Variants in FAM184B observed in about 807,000 individuals in gnomAD.
FAM184B encodes family with sequence similarity 184 member B.
FAM184B carries 111 observed loss-of-function variants against 135.9 expected under a neutral mutation model. That is an observed-to-expected ratio of 0.82 (90% CI 0.70 to 0.96). The LOEUF is 0.96. FAM184B is among the 40% of genes least tolerant of loss of function. The pLI is 0.00. For synonymous variants in FAM184B, 552 were observed against 524.8 expected, an observed-to-expected ratio of 1.05 and a Z score of -0.71; for missense variants, 1,375 against 1,323.9, an observed-to-expected ratio of 1.04 and a Z score of -0.60.
intron 9 of FAM184B, among the ~76,000 whole-genome samples, chr4:17,659,033 ACTT>A (rs1216380632): frequency 6.6e-6 from 1 of 151,968 alleles, no homozygotes. Context: ...TGATTTACTG[ACTT>A]CTTATGTCAA....
intron 7 of FAM184B, among the ~76,000 whole-genome samples, chr4:17,683,780 A>C (rs1716502934): frequency 6.6e-6 from 1 of 152,112 alleles, no homozygotes; most frequent in African/African-American, 2.4e-5. Context: ...ATTTAAGTTA[A>C]GAAAAGCAGA....
At chr4:17,701,957 T>C (rs1403521869) in intron 5 of FAM184B, among the ~76,000 whole-genome samples, 1 of 152,194 alleles carries the variant, frequency 6.6e-6, no homozygotes, top group African/African-American at 2.4e-5. Context: ...TGATTGTAAT[T>C]AATTCAAATT....
At chr4:17,764,536 CCACT>C (rs1718615510) in intron 1 of FAM184B, among the ~76,000 whole-genome samples, 1 of 152,174 alleles carries the variant, frequency 6.6e-6, no homozygotes, top group Non-Finnish European at 1.5e-5. Flanking sequence ...TTACTAGCAC[CCACT>C]GTTTCCTGGC....
In FAM184B at chr4:17,631,118, G is replaced by T. The variant is rs73800317; in HGVS notation, c.*1414C>A. Reference sequence around the variant, plus strand: ...GGTCAGCACCGTGAACAGCCATTGCGGTTCCTTTAACCCACTGGGAATTCA... The same window carrying T: ...GGTCAGCACCGTGAACAGCCATTGCTGTTCCTTTAACCCACTGGGAATTCA... On this transcript the variant is annotated 3_prime_UTR_variant, in exon 18 of 18. Coordinates refer to ENST00000265018, the MANE Select transcript of FAM184B (RefSeq NM_015688.2). 4,908 of 152,262 alleles carry T rather than the reference G, an allele frequency of 0.032. 248 individuals are homozygous for T. The highest frequency in any genetic ancestry group is 0.11 in the African/African-American group (4,644 of 41,510). 9.4% of individuals were successfully genotyped at this position (152,262 alleles called of 1,614,324 possible). A position where few individuals can be genotyped will look rare whatever the true frequency, so the allele number is the denominator to read the frequency against.
At chr4:17,647,589 A>T in intron 12 of FAM184B, 48 bp downstream of exon 12, 2 of 1,524,112 alleles carry the variant, frequency 1.3e-6, no homozygotes, top group East Asian at 2.5e-5. Context: ...TGCGGCCCTG[A>T]TGCTGCTCTG....
In FAM184B at chr4:17,642,169, G is replaced by A; in HGVS notation, c.2406C>T (p.Gly802=). Residue 802 remains glycine, a synonymous_variant, in exon 13 of 18, where the codon GGC becomes GGT. Transcript: ENST00000265018. ...SPPGAAGQGS[G]EGCGLWEENA... is the part of the protein sequence containing the mutation. Reference sequence around the variant, plus strand: ...TCTCCTCCCAGAGCCCGCATCCCTCGCCGGAACCCTGCCCAGCAGCGCCCG... The same window carrying A: ...TCTCCTCCCAGAGCCCGCATCCCTCACCGGAACCCTGCCCAGCAGCGCCCG... 1 of 1,532,484 alleles carries A rather than the reference G, an allele frequency of 6.5e-7. No individual in the cohort carries two copies. Among genetic ancestry groups the A allele is most frequent in the Non-Finnish European group, 8.7e-7 (1 of 1,145,234 alleles). The allele number at this position is 1,532,484 out of a possible 1,614,324, so 94.9% of individuals were successfully genotyped here.
intron 4 of FAM184B, 75 bp downstream of exon 4, chr4:17,705,677 C>T: frequency 6.6e-7 from 1 of 1,510,524 alleles, no homozygotes; most frequent in Non-Finnish European, 8.9e-7. Context: ...TGGGGACTGG[C>T]CTCTACCTGA....
At chr4:17,663,127 G>T (rs1360461394) in intron 8 of FAM184B, among the ~76,000 whole-genome samples, 1 of 152,012 alleles carries the variant, frequency 6.6e-6, no homozygotes. Context: ...TGTAGAGACA[G>T]GGTTTTGCCA....
rs1715509516 is a variant in FAM184B at position 17,647,768 on chromosome 4, C to T, written c.2215G>A (p.Glu739Lys). 1.3e-6 allele frequency: 2 copies of T among 1,550,480 alleles called. No homozygotes were observed. The highest frequency in any genetic ancestry group is 1.4e-5 in the African/African-American group (1 of 73,010). The change falls in exon 12 of 18, where the codon GAG becomes AAG. Residue 739 changes from glutamate (E) to lysine (K), a missense_variant. Transcript: ENST00000265018. ...TGCCCAGAACAGGCAGCTTGCTGCTCCGACAGCTCCTGTCTGAGCGACTCT... is the reference window on the plus strand; with the variant it reads ...TGCCCAGAACAGGCAGCTTGCTGCTTCGACAGCTCCTGTCTGAGCGACTCT... ...LLESLRQELS[E>K]QQAACSGHQK...
At chr4:17,688,663 C>A in intron 6 of FAM184B, 132 bp from the exon 7 acceptor site, 3 of 404,920 alleles carry the variant, frequency 7.4e-6, no homozygotes, top group Non-Finnish European at 8.9e-6. Context: ...AAATTCTACA[C>A]ACACTTCTAG....
At chr4:17,646,156 T>C (rs1191919618) in intron 12 of FAM184B, among the ~76,000 whole-genome samples, 1 of 152,208 alleles carries the variant, frequency 6.6e-6, no homozygotes, top group Non-Finnish European at 1.5e-5. Context: ...TCAACCATTG[T>C]GGAAGACAGT....
intron 13 of FAM184B, 28 bp downstream of exon 13, chr4:17,642,028 C>T (rs1232951333): frequency 6.6e-7 from 1 of 1,508,298 alleles, no homozygotes. Flanking sequence ...GAGGGTGGCG[C>T]GGTGGCGGGG....
chr4:17,721,782 T>A (rs1002783505), intron 1 of FAM184B, among the ~76,000 whole-genome samples: 2 of 151,884 alleles, frequency 1.3e-5, no homozygotes, highest in Non-Finnish European at 2.9e-5. Context: ...ATGTGGAGAG[T>A]CTGGGGGAGG....
intron 1 of FAM184B, among the ~76,000 whole-genome samples, chr4:17,766,857 G>C (rs1161421761): frequency 2.0e-5 from 3 of 152,198 alleles, no homozygotes; most frequent in African/African-American, 4.8e-5. Flanking sequence ...CACAGAGCAG[G>C]GGGCAGCGCT....
At chr4:17,704,059 T>G (rs757791453) in intron 5 of FAM184B, among the ~76,000 whole-genome samples, 1 of 152,176 alleles carries the variant, frequency 6.6e-6, no homozygotes, top group Non-Finnish European at 1.5e-5. Flanking sequence ...TTTCACCAGT[T>G]CATTTAACAC....
chr4:17,632,518 T>A lies in FAM184B; in HGVS notation c.*14A>T. On this transcript the variant is annotated 3_prime_UTR_variant, in exon 18 of 18. Transcript: ENST00000265018. ...TTTTTCAAGTATCCTCTGTGATGTA[T>A]CCCAAAGGTTAGCTTAGAAAGAAAA... 6.5e-7 allele frequency: 1 copy of A among 1,538,684 alleles called. No homozygotes were observed. Among genetic ancestry groups the A allele is most frequent in the Non-Finnish European group, 8.8e-7 (1 of 1,135,994 alleles).
intron 1 of FAM184B, among the ~76,000 whole-genome samples, chr4:17,778,233 T>C (rs1718970178): frequency 6.6e-6 from 1 of 152,174 alleles, no homozygotes; most frequent in Non-Finnish European, 1.5e-5. Flanking sequence ...GAAAATTAGA[T>C]TGGCAGTAGA....
chr4:17,632,753 C>G (rs1714996040), intron 17 of FAM184B, 128 bp from the exon 18 acceptor site: 1 of 622,254 alleles, frequency 1.6e-6, no homozygotes, highest in South Asian at 1.9e-5. Flanking sequence ...TGGGACTGGC[C>G]AACATTAGTA....
At chr4:17,653,102 G>T (rs1715672723) in intron 10 of FAM184B, 119 bp from the exon 11 acceptor site, 2 of 949,378 alleles carry the variant, frequency 2.1e-6, no homozygotes, top group African/African-American at 1.6e-5. Flanking sequence ...TCCCATGGAG[G>T]GCTTATCAGG....
Sources: allele counts gnomAD v4.1 joint callset (sites outside exome capture counted in the v4.1 genomes callset), GRCh38; gene constraint gnomAD v4.1.1; transcripts MANE v1.5; gene names NCBI Gene and HGNC (gene_info 2026-07-23, HGNC 2026-07-21).